The following RMP24 variants were observed in gnomAD, a reference collection of about 807,000 sequenced individuals.
RMP24 encodes ribonuclease MRP protein subunit p24.
chr18:35,979,023 A>T, the RMP24 span: 6 of 1,546,972 alleles, frequency 3.9e-6, no homozygotes, highest in Non-Finnish European at 1.7e-6. Context: ...CCTGATGTCA[A>T]TTCTGAAACT....
At chr18:35,978,190 C>A in the RMP24 span, among the ~76,000 whole-genome samples, 1 of 152,360 alleles carries the variant, frequency 6.6e-6, no homozygotes, top group African/African-American at 2.4e-5. Context: ...GATCATCTTT[C>A]TGGAGCATAG....
chr18:35,976,313 C>A, the RMP24 span, among the ~76,000 whole-genome samples: 1 of 151,946 alleles, frequency 6.6e-6, no homozygotes, highest in East Asian at 1.9e-4. Context: ...CCACGCCCGG[C>A]TGATTTATTT....
the RMP24 span, chr18:35,979,259 A>AAGAT: frequency 3.9e-6 from 1 of 253,848 alleles, no homozygotes; most frequent in Non-Finnish European, 7.5e-6. Flanking sequence ...TATGTATATA[A>AAGAT]AGATAGATAT....
At chr18:35,979,181 G>GGAC in the RMP24 span, 1 of 555,406 alleles carries the variant, frequency 1.8e-6, no homozygotes, top group Non-Finnish European at 3.1e-6. Flanking sequence ...CTACCTCATA[G>GGAC]GACAGCTGTG....
the RMP24 span, among the ~76,000 whole-genome samples, chr18:35,976,869 T>A: frequency 6.6e-6 from 1 of 152,244 alleles, no homozygotes; most frequent in African/African-American, 2.4e-5. Flanking sequence ...TTCATTATCT[T>A]TGAAAACCTA....
the RMP24 span, among the ~76,000 whole-genome samples, chr18:35,976,539 G>A: frequency 2.2e-4 from 33 of 152,320 alleles, no homozygotes; most frequent in Admixed American, 4.6e-4. Context: ...ACCATTTCTT[G>A]AGAAATGAAT....
At chr18:35,977,355 T>C in the RMP24 span, 2 of 1,505,704 alleles carry the variant, frequency 1.3e-6, no homozygotes, top group East Asian at 2.3e-5. Context: ...CTGTGGTTTA[T>C]GGGGTTAAAT....
At chr18:35,978,537 G>A in the RMP24 span, among the ~76,000 whole-genome samples, 1 of 152,310 alleles carries the variant, frequency 6.6e-6, no homozygotes, top group African/African-American at 2.4e-5. Context: ...CTTGAACCTG[G>A]GAGGCAGAGG....
the RMP24 span, chr18:35,973,012 AAAC>A: frequency 4.7e-5 from 68 of 1,443,858 alleles, no homozygotes; most frequent in East Asian, 1.2e-4. Context: ...CCCTCCATAA[AAAC>A]AACAACAACA....
chr18:35,977,340 T>G, the RMP24 span: 1 of 1,417,422 alleles, frequency 7.1e-7, no homozygotes, highest in African/African-American at 1.4e-5. Flanking sequence ...AAGAATTCAA[T>G]GAACCTGTGG....
the RMP24 span, chr18:35,977,304 A>G: frequency 3.0e-6 from 3 of 1,001,480 alleles, no homozygotes; most frequent in South Asian, 1.8e-5. Flanking sequence ...TTACCCCTAT[A>G]GTATCTGGTG....
At chr18:35,978,755 T>C in the RMP24 span, 1 of 1,250,514 alleles carries the variant, frequency 8.0e-7, no homozygotes, top group Non-Finnish European at 1.1e-6. Flanking sequence ...AGCCAGTGCA[T>C]GTATATGGCC....
the RMP24 span, among the ~76,000 whole-genome samples, chr18:35,976,943 G>C: frequency 2.0e-5 from 3 of 152,078 alleles, no homozygotes; most frequent in South Asian, 6.2e-4. Context: ...TTTAAAATTT[G>C]TCGGCTGGGC....
At chr18:35,977,721 T>C in the RMP24 span, 3 of 942,426 alleles carry the variant, frequency 3.2e-6, no homozygotes, top group Admixed American at 5.7e-5. Flanking sequence ...TTTTCCTCCA[T>C]ACCCTTTTCT....
At chr18:35,973,179 T>G in the RMP24 span, 2 of 572,622 alleles carry the variant, frequency 3.5e-6, no homozygotes, top group Non-Finnish European at 6.2e-6. Context: ...CATTTATTAC[T>G]TCTCGATTTG....
chr18:35,978,910 A>G, the RMP24 span: 2 of 1,613,344 alleles, frequency 1.2e-6, no homozygotes, highest in South Asian at 1.1e-5. Flanking sequence ...ACTTCTCTCA[A>G]CTAAAAATGT....
chr18:35,973,757 C>T, the RMP24 span: 1 of 152,180 alleles, frequency 6.6e-6, no homozygotes, highest in African/African-American at 2.4e-5. Flanking sequence ...GCTGTCTCTA[C>T]TAAAAATACA....
chr18:35,978,733 T>C, the RMP24 span: 1 of 1,031,674 alleles, frequency 9.7e-7, no homozygotes, highest in South Asian at 2.1e-5. Context: ...CAAATGATAA[T>C]ACACCGAGGA....
At chr18:35,974,655 T>C in the RMP24 span, among the ~76,000 whole-genome samples, 1 of 152,236 alleles carries the variant, frequency 6.6e-6, no homozygotes, top group Admixed American at 6.5e-5. Flanking sequence ...GCCTACAGGA[T>C]TTGCTAGCAT....
Sources: allele counts gnomAD v4.1 joint callset (sites outside exome capture counted in the v4.1 genomes callset), GRCh38; gene constraint gnomAD v4.1.1; transcripts MANE v1.5; gene names NCBI Gene and HGNC (gene_info 2026-07-23, HGNC 2026-07-21).